Variants in RBM15 observed in about 807,000 individuals in gnomAD.
RBM15 encodes the protein RNA-binding protein 15.
In RBM15, 8 loss-of-function variants were observed where a neutral mutation model predicts 62.6. The ratio of observed to expected loss-of-function variants is 0.13; its 90% CI spans 0.07 to 0.23. RBM15 has a LOEUF of 0.23. Among genes scored for constraint, RBM15 ranks in the 10% least tolerant of loss-of-function variants. The pLI, the probability that RBM15 is intolerant of heterozygous loss-of-function variation, is 1.00. For synonymous variants in RBM15, 606 were observed against 505.7 expected, an observed-to-expected ratio of 1.20 and a Z score of -2.66; for missense variants, 1,144 against 1,286.5, an observed-to-expected ratio of 0.89 and a Z score of 1.69.
At chr1:110,345,187 C>G (rs1323828304) in intron 1 of RBM15, among the ~76,000 whole-genome samples, 2 of 152,178 alleles carry the variant, frequency 1.3e-5, no homozygotes, top group African/African-American at 2.4e-5. Flanking sequence ...AAAATATACT[C>G]TGGCCCTTCT....
chr1:110,344,575 A>G (rs768949061), intron 1 of RBM15, among the ~76,000 whole-genome samples: 4 of 152,172 alleles, frequency 2.6e-5, no homozygotes, highest in Admixed American at 6.5e-5. Context: ...TGTATGTATT[A>G]TAAAAAACTA....
chr1:110,342,275 C>T lies in RBM15; in HGVS notation c.2863+7C>T, dbSNP rs1660815771. ...GTCATGATCATTGTCCGTGGTGCGTCCTAAAGTCCATGTGTAACTTGTATT... is the reference window on the plus strand; with the variant it reads ...GTCATGATCATTGTCCGTGGTGCGTTCTAAAGTCCATGTGTAACTTGTATT... On this transcript the variant is annotated splice_region_variant and intron_variant, in intron 1 of 2. Coordinates refer to ENST00000369784, the MANE Select transcript of RBM15 (RefSeq NM_022768.5). 1 of 1,553,748 alleles carries T rather than the reference C, an allele frequency of 6.4e-7. No homozygotes were observed.
At position 110,341,630 on chromosome 1, in the gene RBM15, C is replaced by T. The variant is rs372242482; in HGVS notation, c.2225C>T (p.Pro742Leu). 6 of 1,614,022 alleles carry T rather than the reference C, an allele frequency of 3.7e-6. No homozygotes were observed. The African/African-American group carries it at 8.0e-5, about 22-fold the overall frequency. Residue 742 changes from proline to leucine, a missense_variant, in exon 1 of 3, where the codon CCT becomes CTT. Physicochemically the swap from Pro to Leu is moderately conservative, Grantham distance 98. Coordinates refer to ENST00000369784, the MANE Select transcript of RBM15 (RefSeq NM_022768.5). This position sits in a 1 kb window ranked among gnomAD's most constrained non-coding sequence, Gnocchi z 4.5. ...RTTAPTEGKS[P>L]LKKEDRSDGS... ...ACTGCTCCCACTGAGGGAAAAAGCC[C>T]TCTGAAAAAAGAAGACCGCTCTGAT...
At position 110,341,170 on chromosome 1, in the gene RBM15, C is replaced by T. The variant is rs761567136; in HGVS notation, c.1765C>T (p.Pro589Ser). Residue 589 changes from proline to serine, a missense_variant, in exon 1 of 3, where the codon CCC becomes TCC. By Grantham distance (74) the Pro-to-Ser change is moderately conservative. Transcript: ENST00000369784. This position sits in a 1 kb window ranked among gnomAD's most constrained non-coding sequence, Gnocchi z 4.5. ...TTATCCTGACTCTGATTGGGTGCCA[C>T]CCCCACCCCCAGTCCGAGAACGCAG... ...DLYPDSDWVP[P>S]PPPVRERSTR... 6 of 1,613,926 alleles carry T rather than the reference C, an allele frequency of 3.7e-6. No individual in the cohort carries two copies. The highest frequency in any genetic ancestry group is 3.3e-5 in the Admixed American group (2 of 60,004).
In RBM15 at chr1:110,339,774, G is replaced by A. The variant is rs1020118649; in HGVS notation, c.369G>A (p.Leu123=). The part of the protein sequence containing the change: ...DTGGGSSSSR[L]HSYSSPSTKN... The stretch of plus-strand genomic sequence containing the variant: ...GTGGGGGCAGCTCCAGTAGCCGCTT[G>A]CATAGTTATAGCTCCCCGAGCACCA... Residue 123 remains leucine, a synonymous_variant, in exon 1 of 3, where the codon TTG becomes TTA. Transcript: ENST00000369784. The A allele has an allele frequency of 3.1e-6, 5 of 1,609,950 alleles. No homozygotes were observed. The highest frequency in any genetic ancestry group is 1.3e-5 in the African/African-American group (1 of 74,974).
chr1:110,341,310 C>T lies in RBM15; in HGVS notation c.1905C>T (p.Ser635=). The T allele has an allele frequency of 1.9e-6, 3 of 1,614,150 alleles. No individual in the cohort carries two copies. The South Asian group carries it at 3.3e-5, about 18-fold the overall frequency. The stretch of plus-strand genomic sequence containing the variant: ...GAGGTGATCGAGATCTGCCCAGCAG[C>T]AGAGACCAGCCTAGGAAGCGAAGGC... The part of the protein sequence containing the change: ...RDRGDRDLPS[S]RDQPRKRRLP... Residue 635 remains serine (S), a synonymous_variant, in exon 1 of 3, where the codon AGC becomes AGT. Coordinates refer to ENST00000369784, the MANE Select transcript of RBM15 (RefSeq NM_022768.5). The surrounding 1 kb of genome is among the most constrained non-coding windows in gnomAD (Gnocchi z 4.5).
Position 110,346,335 on chromosome 1 carries a change from T to TA in RBM15, c.*69dup. 1 of 1,598,362 alleles carries TA rather than the reference T, an allele frequency of 6.3e-7. No individual in the cohort carries two copies. The highest frequency in any genetic ancestry group is 8.5e-7 in the Non-Finnish European group (1 of 1,179,792). On this transcript the variant is annotated 3_prime_UTR_variant, in exon 3 of 3. Coordinates refer to ENST00000369784, the MANE Select transcript of RBM15 (RefSeq NM_022768.5). ...AAACTGGTTGAACAGCGGATGAAGA[T>TA]ATGGAATTCAAAGCTCTAATGGACC...
At position 110,346,425 on chromosome 1, in the gene RBM15, T is replaced by C. The variant is rs1170062686; in HGVS notation, c.*158T>C. On this transcript the variant is annotated 3_prime_UTR_variant, in exon 3 of 3. Coordinates refer to ENST00000369784, the MANE Select transcript of RBM15 (RefSeq NM_022768.5). Reference sequence around the variant, plus strand: ...GGCCTCTGATGGAAGAAAGCTAATCTGTTTAGTATTTGTGCATTTTACTAA... The same window carrying C: ...GGCCTCTGATGGAAGAAAGCTAATCCGTTTAGTATTTGTGCATTTTACTAA... The C allele has an allele frequency of 4.3e-6, 6 of 1,407,056 alleles. No individual in the cohort carries two copies. In the Admixed American group the frequency reaches 7.1e-5, roughly 17 times the overall value. The allele number at this position is 1,407,056 out of a possible 1,614,324, so 87.2% of individuals were successfully genotyped here.
chr1:110,339,897 G>A lies in RBM15; in HGVS notation c.492G>A (p.Gly164=), dbSNP rs1454793038. ...SGAASSAPGG[G]DGAEYKTLKI... is the part of the protein sequence containing the mutation. ...CCGCCTCCTCAGCTCCCGGCGGCGG[G>A]GACGGCGCGGAATACAAGACTCTGA... The change falls in exon 1 of 3, where the codon GGG becomes GGA. Residue 164 remains glycine, a synonymous_variant. Transcript: ENST00000369784. 6.2e-7 allele frequency: 1 copy of A among 1,605,432 alleles called. No homozygotes were observed. Among genetic ancestry groups the A allele is most frequent in the South Asian group, 1.1e-5 (1 of 90,956 alleles).
chr1:110,339,911 A>T lies in RBM15; in HGVS notation c.506A>T (p.Tyr169Phe). 6.2e-7 allele frequency: 1 copy of T among 1,612,836 alleles called. No homozygotes were observed. Among genetic ancestry groups the T allele is most frequent in the Non-Finnish European group, 8.5e-7 (1 of 1,178,928 alleles). The change falls in exon 1 of 3, where the codon TAC becomes TTC. Residue 169 changes from tyrosine to phenylalanine, a missense_variant. This residue lies in a region of RBM15 where 298 missense variants were observed against 250.0 expected (regional missense o/e 1.19). Transcript: ENST00000369784. ...CCCGGCGGCGGGGACGGCGCGGAAT[A>T]CAAGACTCTGAAGATAAGCGAGTTG... is the stretch of plus-strand genomic sequence containing the variant. ...SAPGGGDGAE[Y>F]KTLKISELGS... is the part of the protein sequence containing the mutation.
Position 110,339,482 on chromosome 1 carries a change from G to C in RBM15, c.77G>C (p.Ser26Thr). The change falls in exon 1 of 3, where the codon AGC becomes ACC. Residue 26 changes from serine to threonine, a missense_variant. Coordinates refer to ENST00000369784, the MANE Select transcript of RBM15 (RefSeq NM_022768.5). ...CGTGCGGTTCCGCTGTGTGAAACGAGCGCGGGGCGGCGGGTTACTCAGCTC... is the reference window on the plus strand; with the variant it reads ...CGTGCGGTTCCGCTGTGTGAAACGACCGCGGGGCGGCGGGTTACTCAGCTC... ...WRRAVPLCET[S>T]AGRRVTQLRG... The C allele has an allele frequency of 6.4e-7, 1 of 1,572,744 alleles. No homozygotes were observed. Among genetic ancestry groups the C allele is most frequent in the Non-Finnish European group, 8.6e-7 (1 of 1,156,100 alleles).
Position 110,346,485 on chromosome 1 carries a change from A to G in RBM15, c.*218A>G. ...TTAAAGTTGTGTATCTGCTATTGTG[A>G]TGCCAATGCCGGTGTTTTAAGTGGA... On this transcript the variant is annotated 3_prime_UTR_variant, in exon 3 of 3. Transcript: ENST00000369784. 1 of 811,446 alleles carries G rather than the reference A, an allele frequency of 1.2e-6. No individual in the cohort carries two copies. Among genetic ancestry groups the G allele is most frequent in the East Asian group, 2.4e-5 (1 of 40,888 alleles). The allele number at this position is 811,446 out of a possible 1,614,324, so 50.3% of individuals were successfully genotyped here.
In RBM15 at chr1:110,341,201, G is replaced by A; in HGVS notation, c.1796G>A (p.Arg599Gln). 1 of 1,614,036 alleles carries A rather than the reference G, an allele frequency of 6.2e-7. No homozygotes were observed. The highest frequency in any genetic ancestry group is 8.5e-7 in the Non-Finnish European group (1 of 1,180,002). Residue 599 changes from arginine (R) to glutamine (Q), a missense_variant, in exon 1 of 3, where the codon CGG becomes CAG. By Grantham distance (43) the Arg-to-Gln change is conservative (BLOSUM62 1). Around this residue, in one of 8 missense-constraint regions of RBM15, gnomAD observed 360 missense variants for 342.9 expected, o/e 1.05. Transcript: ENST00000369784. The surrounding 1 kb of genome is among the most constrained non-coding windows in gnomAD (Gnocchi z 4.5). Reference sequence around the variant, plus strand: ...CCCCCAGTCCGAGAACGCAGCACTCGGACTGCAGCTACTTCTGTGCCTGCT... The same window carrying A: ...CCCCCAGTCCGAGAACGCAGCACTCAGACTGCAGCTACTTCTGTGCCTGCT... ...PPPPVRERSTRTAATSVPAYE... is the reference protein window; with the variant it reads ...PPPPVRERSTQTAATSVPAYE...
intron 1 of RBM15, 116 bp from the exon 2 acceptor site, chr1:110,345,423 A>G: frequency 2.6e-6 from 2 of 766,850 alleles, no homozygotes; most frequent in South Asian, 3.1e-5. Flanking sequence ...CCAATCACCA[A>G]AAACTCTGGT....
At position 110,339,994 on chromosome 1, in the gene RBM15, T is replaced by C; in HGVS notation, c.589T>C (p.Phe197Leu). 1 of 1,614,068 alleles carries C rather than the reference T, an allele frequency of 6.2e-7. No homozygotes were observed. Among genetic ancestry groups the C allele is most frequent in the Non-Finnish European group, 8.5e-7 (1 of 1,180,010 alleles). The change falls in exon 1 of 3, where the codon TTC becomes CTC. Residue 197 changes from phenylalanine (F) to leucine (L), a missense_variant. This residue lies in a region of RBM15 where 15 missense variants were observed against 35.0 expected (regional missense o/e 0.43). Transcript: ENST00000369784. ...EDGLFHEFKR[F>L]GDVSVKISHL... ...CGGCCTGTTTCATGAGTTCAAACGCTTCGGTGATGTAAGTGTGAAAATCAG... is the reference window on the plus strand; with the variant it reads ...CGGCCTGTTTCATGAGTTCAAACGCCTCGGTGATGTAAGTGTGAAAATCAG...
Position 110,345,408 on chromosome 1 carries a change from A to G in RBM15, c.2864-131A>G, listed in dbSNP as rs565712756. 1.4e-5 allele frequency: 10 copies of G among 726,598 alleles called. No homozygotes were observed. In the African/African-American group the frequency reaches 1.8e-4, roughly 13 times the overall value. 45.0% of individuals were successfully genotyped at this position (726,598 alleles called of 1,614,324 possible). ...CTTGAACTATAGTTTGGGTCCATAT[A>G]GGAACCAATCACCAAAAACTCTGGT... is the stretch of plus-strand genomic sequence containing the variant. On this transcript the variant is annotated intron_variant, in intron 1 of 2. Coordinates refer to ENST00000369784, the MANE Select transcript of RBM15 (RefSeq NM_022768.5).
chr1:110,339,531 C>T lies in RBM15; in HGVS notation c.126C>T (p.Pro42=), dbSNP rs1660722442. The part of the protein sequence containing the change: ...TQLRGDDLRR[P]ATMKGKERSP... ...TCCGCGGAGACGACCTCCGACGACC[C>T]GCAACAATGAAGGGAAAAGAGCGCT... is the stretch of plus-strand genomic sequence containing the variant. Residue 42 remains proline, a synonymous_variant, in exon 1 of 3, where the codon CCC becomes CCT. Coordinates refer to ENST00000369784, the MANE Select transcript of RBM15 (RefSeq NM_022768.5). The T allele has an allele frequency of 1.9e-6, 3 of 1,603,038 alleles. No homozygotes were observed. Among genetic ancestry groups the T allele is most frequent in the Non-Finnish European group, 2.6e-6 (3 of 1,172,328 alleles).
intron 1 of RBM15, among the ~76,000 whole-genome samples, chr1:110,344,801 T>G (rs1013081796): frequency 6.6e-6 from 1 of 152,216 alleles, no homozygotes. Flanking sequence ...CAACCAATTT[T>G]TTTCTATCTT....
Position 110,341,876 on chromosome 1 carries a change from G to A in RBM15, c.2471G>A (p.Gly824Asp). The change falls in exon 1 of 3, where the codon GGC becomes GAC. Residue 824 changes from glycine (G) to aspartate (D), a missense_variant. Physicochemically the swap from Gly to Asp is moderately conservative, Grantham distance 94 (BLOSUM62 -1). Coordinates refer to ENST00000369784, the MANE Select transcript of RBM15 (RefSeq NM_022768.5). The surrounding 1 kb of genome is among the most constrained non-coding windows in gnomAD (Gnocchi z 4.5). ...CTTCTTGTGGAGGGTTCAACTGGAG[G>A]CAAAGTGGCCCAGCTCAAGATCACT... ...SSLLVEGSTG[G>D]KVAQLKITQR... is the part of the protein sequence containing the mutation. The A allele has an allele frequency of 6.2e-7, 1 of 1,614,214 alleles. No individual in the cohort carries two copies. Among genetic ancestry groups the A allele is most frequent in the Non-Finnish European group, 8.5e-7 (1 of 1,180,040 alleles).
Sources: allele counts gnomAD v4.1 joint callset (sites outside exome capture counted in the v4.1 genomes callset), GRCh38; gene constraint gnomAD v4.1.1; regional missense constraint gnomAD v4.1.1; non-coding constraint Gnocchi (gnomAD v3.1); transcripts MANE v1.5; gene names NCBI Gene and HGNC (gene_info 2026-07-23, HGNC 2026-07-21).